SCFD2: variants seen among roughly 807,000 people sequenced by gnomAD.
The protein encoded by SCFD2 is sec1 family domain containing 2.
Under a neutral mutation model 58.9 loss-of-function variants are expected in SCFD2, and 54 were observed. That is an observed-to-expected ratio of 0.92 (90% CI 0.74 to 1.15). The LOEUF (loss-of-function observed/expected upper bound fraction) is 1.15, where lower values mean the gene tolerates loss of function less well. Among genes scored for constraint, SCFD2 ranks in the 50% most tolerant of loss-of-function variants. SCFD2 has a pLI of 0.00. For missense variants in SCFD2, 805 were observed against 836.6 expected, an observed-to-expected ratio of 0.96 and a Z score of 0.47; for synonymous variants, 321 against 335.9, an observed-to-expected ratio of 0.96 and a Z score of 0.49.
intron 5 of SCFD2, among the ~76,000 whole-genome samples, chr4:52,965,515 G>A (rs959151176): frequency 1.3e-5 from 2 of 152,204 alleles, no homozygotes; most frequent in African/African-American, 4.8e-5. Context: ...GTCAGAATCT[G>A]TGCATGCCCA....
chr4:52,906,720 T>G (rs774444777), intron 7 of SCFD2, among the ~76,000 whole-genome samples: 15 of 152,210 alleles, frequency 9.9e-5, no homozygotes, highest in Non-Finnish European at 1.5e-4. Context: ...AGGCCAGATC[T>G]CTTAGGTAGA....
chr4:53,292,181 A>T (rs1397721675), intron 3 of SCFD2, among the ~76,000 whole-genome samples: 1 of 152,170 alleles, frequency 6.6e-6, no homozygotes, highest in African/African-American at 2.4e-5. Flanking sequence ...CAATTGCAAC[A>T]AAAGCAAAAA....
intron 4 of SCFD2, among the ~76,000 whole-genome samples, chr4:53,257,884 TC>T (rs1262415768): frequency 6.6e-6 from 1 of 152,012 alleles, no homozygotes; most frequent in Non-Finnish European, 1.5e-5. Context: ...AAAAAAAACC[TC>T]ATATTTAAAA....
chr4:53,205,435 G>A (rs1728375938), intron 4 of SCFD2, among the ~76,000 whole-genome samples: 1 of 152,104 alleles, frequency 6.6e-6, no homozygotes, highest in Admixed American at 6.6e-5. Flanking sequence ...GAAAGATGAT[G>A]CCTACAATGA....
intron 5 of SCFD2, among the ~76,000 whole-genome samples, chr4:52,925,393 A>G (rs1401157968): frequency 1.3e-5 from 2 of 151,162 alleles, no homozygotes; most frequent in Non-Finnish European, 2.9e-5. Context: ...AAAACACTTA[A>G]TTCACATTTA....
intron 2 of SCFD2, among the ~76,000 whole-genome samples, chr4:53,348,396 T>C (rs974192841): frequency 2.0e-5 from 3 of 152,242 alleles, no homozygotes; most frequent in African/African-American, 7.2e-5. Context: ...AAGTTTCTGG[T>C]AGGTTTGGTC....
chr4:53,232,320 C>T (rs1320413882), intron 4 of SCFD2, among the ~76,000 whole-genome samples: 1 of 151,916 alleles, frequency 6.6e-6, no homozygotes, highest in Non-Finnish European at 1.5e-5. Context: ...TTTTTTTAAT[C>T]ACATGGATGG....
chr4:53,110,717 G>A (rs1331564471), intron 5 of SCFD2, among the ~76,000 whole-genome samples: 1 of 152,178 alleles, frequency 6.6e-6, no homozygotes, highest in Non-Finnish European at 1.5e-5. Context: ...GGAGAAATAG[G>A]AACACTTTTA....
rs1722241236 is a variant in SCFD2, at chr4:53,017,418, A to G, written c.1562-96548T>C. Among the ~76,000 whole-genome samples, 3 of 152,226 alleles carry G rather than the reference A, an allele frequency of 2.0e-5. No individual in the cohort carries two copies. In the South Asian group the frequency reaches 6.2e-4, roughly 31 times the overall value. ...CACCCAAAGTTCTGATGCTGCTGCT[A>G]TCTGTTTTATATCTGTAGTAAAGAT... On this transcript the variant is annotated intron_variant, in intron 5 of 8. Transcript: ENST00000401642.
intron 5 of SCFD2, among the ~76,000 whole-genome samples, chr4:52,982,978 G>C (rs79088220): frequency 0.013 from 2,039 of 152,212 alleles, 49 homozygotes; most frequent in African/African-American, 0.045. Flanking sequence ...TTACAATCAT[G>C]ATTCTCTAAC....
intron 3 of SCFD2, among the ~76,000 whole-genome samples, chr4:53,275,415 G>A (rs567497210): frequency 6.6e-6 from 1 of 152,088 alleles, no homozygotes; most frequent in East Asian, 1.9e-4. Flanking sequence ...GGTAAAGCAT[G>A]GGTTTGTTCC....
chr4:52,948,200 A>G (rs924479762), intron 5 of SCFD2: 3 of 229,452 alleles, frequency 1.3e-5, no homozygotes, highest in African/African-American at 2.3e-5. Context: ...AGGCTATTAC[A>G]TGCCTGGAAC....
At chr4:53,172,890 C>T (rs2148938252) in intron 4 of SCFD2, among the ~76,000 whole-genome samples, 1 of 152,226 alleles carries the variant, frequency 6.6e-6, no homozygotes, top group East Asian at 1.9e-4. Flanking sequence ...CCAATGTTTC[C>T]TTATTAATTT....
intron 3 of SCFD2, among the ~76,000 whole-genome samples, chr4:53,290,942 C>A (rs1209850398): frequency 6.6e-6 from 1 of 152,040 alleles, no homozygotes; most frequent in Non-Finnish European, 1.5e-5. Flanking sequence ...AATAAAGAGA[C>A]TGAAACAAAA....
At chr4:53,137,139 T>C (rs1180093339) in intron 5 of SCFD2, among the ~76,000 whole-genome samples, 6 of 152,206 alleles carry the variant, frequency 3.9e-5, no homozygotes. Context: ...CCAGTTACAA[T>C]ATACACTCAT....
intron 5 of SCFD2, among the ~76,000 whole-genome samples, chr4:52,928,965 C>T (rs1465355115): frequency 6.6e-6 from 1 of 152,166 alleles, no homozygotes; most frequent in Non-Finnish European, 1.5e-5. Context: ...TAAACTGTTT[C>T]TGCATGAAAT....
Position 53,126,132 on chromosome 4 carries a change from C to T in SCFD2, c.1561+19201G>A, listed in dbSNP as rs116293292. Among the ~76,000 whole-genome samples the T allele has an allele frequency of 4.6e-3, 694 of 152,276 alleles. 2 individuals are homozygous for T. Among genetic ancestry groups the T allele is most frequent in the African/African-American group, 0.016 (667 of 41,548 alleles). On this transcript the variant is annotated intron_variant, in intron 5 of 8. Coordinates refer to ENST00000401642, the MANE Select transcript of SCFD2 (RefSeq NM_152540.4). The stretch of plus-strand genomic sequence containing the variant: ...GGATATCTGTGGCATTAATGAGAGA[C>T]ACTTTCCCCTTAAAAGTAAGCTCCA...
chr4:53,122,368 C>T (rs536086737), intron 5 of SCFD2, among the ~76,000 whole-genome samples: 2 of 151,370 alleles, frequency 1.3e-5, no homozygotes, highest in Admixed American at 1.3e-4. Context: ...CAGAGCGAGA[C>T]TCCGTCTAAA....
At chr4:52,980,926 A>G (rs1721363383) in intron 5 of SCFD2, among the ~76,000 whole-genome samples, 1 of 152,118 alleles carries the variant, frequency 6.6e-6, no homozygotes, top group Admixed American at 6.6e-5. Context: ...GCATTTGCTT[A>G]TTACATAGCC....
Sources: allele counts gnomAD v4.1 joint callset (sites outside exome capture counted in the v4.1 genomes callset), GRCh38; gene constraint gnomAD v4.1.1; transcripts MANE v1.5; gene names NCBI Gene and HGNC (gene_info 2026-07-23, HGNC 2026-07-21).